BRWD3: variants seen among roughly 807,000 people sequenced by gnomAD.
BRWD3 encodes bromodomain and WD repeat-containing protein 3.
In BRWD3, 10 loss-of-function variants were observed where a neutral mutation model predicts 149.7. The ratio of observed to expected loss-of-function variants is 0.07; its 90% CI spans 0.04 to 0.11. The LOEUF is 0.11. Among genes scored for constraint, BRWD3 ranks in the 10% least tolerant of loss-of-function variants. BRWD3 has a pLI of 1.00. For missense variants in BRWD3, 940 were observed against 1,373.2 expected, an observed-to-expected ratio of 0.68 and a Z score of 4.99; for synonymous variants, 504 against 456.7, an observed-to-expected ratio of 1.10 and a Z score of -1.32.
chrX:80,732,042 T>C (rs2073340918), intron 12 of BRWD3, among the ~76,000 whole-genome samples: 1 of 110,680 alleles, frequency 9.0e-6, no homozygotes, highest in Admixed American at 9.6e-5. Context: ...GGGTCACCAA[T>C]AGTCAAAACT....
rs1054874087 is a variant in BRWD3 at position 80,676,345 on chromosome X, CTGTG to C, written c.*260_*263del. On this transcript the variant is annotated 3_prime_UTR_variant, in exon 41 of 41. Coordinates refer to ENST00000373275, the MANE Select transcript of BRWD3 (RefSeq NM_153252.5). ...TGTGTTGTGTTTCGTGTGTGTGTGT[CTGTG>C]TGTGTGTATGTGTGTGTATGTGTTT... 7.3e-5 allele frequency: 25 copies of C among 343,500 alleles called. No homozygotes were observed. Among genetic ancestry groups the C allele is most frequent in the South Asian group, 4.6e-4 (9 of 19,602 alleles). 28.3% of individuals were successfully genotyped at this position (343,500 alleles called of 1,213,427 possible).
chrX:80,768,821 G>C (rs1423948846), intron 6 of BRWD3, among the ~76,000 whole-genome samples: 1 of 110,230 alleles, frequency 9.1e-6, no homozygotes, highest in African/African-American at 3.3e-5. Context: ...TCAGTGTGAT[G>C]TATTCAGGAG....
chrX:80,748,016 T>A (rs768305736), intron 6 of BRWD3, among the ~76,000 whole-genome samples: 4 of 111,522 alleles, frequency 3.6e-5, no homozygotes, highest in African/African-American at 6.5e-5. Flanking sequence ...AGAATGGGCA[T>A]CTTTTTATTA....
intron 4 of BRWD3, among the ~76,000 whole-genome samples, chrX:80,800,944 C>T (rs1422418160): frequency 2.7e-5 from 3 of 110,457 alleles, no homozygotes; most frequent in African/African-American, 9.9e-5. Flanking sequence ...TATTCTCTGG[C>T]TTACACTGCC....
chrX:80,692,964 C>G lies in BRWD3; in HGVS notation c.3239G>C (p.Ser1080Thr). 8.3e-7 allele frequency: 1 copy of G among 1,209,373 alleles called. No individual in the cohort carries two copies. Residue 1080 changes from serine (S) to threonine (T), a missense_variant, in exon 28 of 41, where the codon AGT becomes ACT. This residue lies in a region of BRWD3 where 158 missense variants were observed against 284.0 expected (regional missense o/e 0.56). Transcript: ENST00000373275. ...CTGAACACTGTAACACTGGAAAGAA[C>G]TATCAGGATACTCTGGTTGAAAAGG... is the stretch of plus-strand genomic sequence containing the variant. ...QQPFQPEYPD[S>T]SFQCYSVHWD... is the part of the protein sequence containing the mutation.
chrX:80,680,859 A>G lies in BRWD3; in HGVS notation c.4654+482T>C, dbSNP rs761207503. On this transcript the variant is annotated intron_variant, in intron 40 of 40. Transcript: ENST00000373275. ...AGTCTCACTCTGTCACACGGGCTGG[A>G]GTGCAGTGGCACAATCACAGCTCAC... 2.7e-5 allele frequency among the ~76,000 whole-genome samples: 3 copies of G among 109,526 alleles called. No individual in the cohort carries two copies. The Admixed American group carries it at 2.9e-4, about 11-fold the overall frequency.
chrX:80,681,296 T>C (rs370241837), intron 40 of BRWD3, 45 bp downstream of exon 40: 108 of 1,163,775 alleles, frequency 9.3e-5, no homozygotes, highest in Non-Finnish European at 1.2e-4. Context: ...TCTGCTATCA[T>C]AAAGAAATAA....
intron 4 of BRWD3, among the ~76,000 whole-genome samples, chrX:80,800,491 G>A (rs1433478397): frequency 2.0e-5 from 2 of 100,458 alleles, no homozygotes; most frequent in Non-Finnish European, 4.0e-5. Context: ...AGTGAGCCAT[G>A]ATCGAGCCAC....
At chrX:80,778,148 A>T (rs181103770) in intron 6 of BRWD3, among the ~76,000 whole-genome samples, 1,160 of 111,681 alleles carry the variant, frequency 0.01, 4 homozygotes, top group Non-Finnish European at 0.017. Context: ...CAAGAGTTGA[A>T]AAGTGCCTTG....
intron 8 of BRWD3, among the ~76,000 whole-genome samples, chrX:80,741,440 G>C (rs1314477732): frequency 8.9e-6 from 1 of 111,842 alleles, no homozygotes; most frequent in Non-Finnish European, 1.9e-5. Flanking sequence ...TGGGATGGCT[G>C]GGTCAAATGG....
chrX:80,685,472 G>C lies in BRWD3; in HGVS notation c.4070C>G (p.Ser1357Cys). The change falls in exon 36 of 41, where the codon TCT (serine) becomes TGT (cysteine). Residue 1357 changes from serine (S) to cysteine (C), a missense_variant. By Grantham distance (112) the Ser-to-Cys change is moderately radical. Coordinates refer to ENST00000373275, the MANE Select transcript of BRWD3 (RefSeq NM_153252.5). ...GACTACCAGGCCTACCTCAGAAAGA[G>C]ATGAATCTTGTTGTCTTTCTGGAAC... Reference protein sequence around the residue: ...SVVPERQQDSSLSEDYQDVID... With the variant: ...SVVPERQQDSCLSEDYQDVID... The C allele has an allele frequency of 4.1e-6, 5 of 1,206,754 alleles. No homozygotes were observed. Among genetic ancestry groups the C allele is most frequent in the African/African-American group, 1.7e-5 (1 of 57,680 alleles).
At chrX:80,756,648 T>C (rs911600891) in intron 6 of BRWD3, among the ~76,000 whole-genome samples, 2 of 111,402 alleles carry the variant, frequency 1.8e-5, no homozygotes, top group African/African-American at 6.5e-5. Flanking sequence ...ATGTTAATGG[T>C]TGATAATTGA....
At chrX:80,698,988 G>A (rs2072742321) in intron 25 of BRWD3, among the ~76,000 whole-genome samples, 1 of 110,623 alleles carries the variant, frequency 9.0e-6, no homozygotes, top group Non-Finnish European at 1.9e-5. Context: ...CGAGGTGGGT[G>A]GATCACCCTG....
chrX:80,719,520 T>C lies in BRWD3; in HGVS notation c.2013A>G (p.Leu671=). ...RLINEGDVPH[L]PVNRAYSVNG... ...TAACAGAGTATGCTCTATTAACTGG[T>C]AAATGTGGAACATCTCCTTCATTAA... is the stretch of plus-strand genomic sequence containing the variant. Residue 671 remains leucine, a synonymous_variant, in exon 18 of 41, where the codon TTA becomes TTG. Transcript: ENST00000373275. 1 of 1,209,467 alleles carries C rather than the reference T, an allele frequency of 8.3e-7. No individual in the cohort carries two copies. The highest frequency in any genetic ancestry group is 1.1e-6 in the Non-Finnish European group (1 of 893,624).
chrX:80,692,117 T>C lies in BRWD3; in HGVS notation c.3297A>G (p.Pro1099=), dbSNP rs1006280842. ...CTTCTGGAATTGGCTCCATATCCCA[T>C]GGGCTCATCTTTTCTCTCTCATTAT... The part of the protein sequence containing the change: ...WDNNEREKMS[P]WDMEPIPEGT... Residue 1099 remains proline, a synonymous_variant, in exon 29 of 41, where the codon CCA becomes CCG. Coordinates refer to ENST00000373275, the MANE Select transcript of BRWD3 (RefSeq NM_153252.5). 7 of 1,205,224 alleles carry C rather than the reference T, an allele frequency of 5.8e-6. No individual in the cohort carries two copies. The highest frequency in any genetic ancestry group is 3.5e-5 in the African/African-American group (2 of 57,145).
At chrX:80,782,508 GT>G (rs1402396932) in intron 6 of BRWD3, among the ~76,000 whole-genome samples, 2 of 111,610 alleles carry the variant, frequency 1.8e-5, no homozygotes, top group Admixed American at 1.9e-4. Context: ...AGCAAAAAAA[GT>G]TTGTGCACAA....
intron 8 of BRWD3, among the ~76,000 whole-genome samples, chrX:80,741,195 T>C (rs376282980): frequency 9.0e-6 from 1 of 111,246 alleles, no homozygotes; most frequent in East Asian, 2.8e-4. Context: ...TTGCAGAGAA[T>C]GATGGTTTCC....
At chrX:80,770,967 CAGAG>C (rs1190932153) in intron 6 of BRWD3, among the ~76,000 whole-genome samples, 2 of 111,426 alleles carry the variant, frequency 1.8e-5, no homozygotes, top group Non-Finnish European at 3.8e-5. Context: ...AACAGACAAA[CAGAG>C]AGCCAAATCA....
At chrX:80,710,469 T>C (rs1275816904) in intron 20 of BRWD3, 5 of 359,628 alleles carry the variant, frequency 1.4e-5, no homozygotes, top group East Asian at 6.0e-5. Context: ...ACAATTTAAA[T>C]GAACTGGTTA....
Sources: gnomAD v4.1 joint callset for allele counts (sites outside exome capture counted in the v4.1 genomes callset) on GRCh38, gnomAD v4.1.1 for gene constraint, gnomAD v4.1.1 regional missense constraint, MANE v1.5 for transcripts, NCBI Gene and HGNC (gene_info 2026-07-23, HGNC 2026-07-21) for gene names.